ADGRL2: variants seen among roughly 807,000 people sequenced by gnomAD.
ADGRL2 encodes adhesion G protein-coupled receptor L2, also known as calcium-independent alpha-latrotoxin receptor 2.
Under a neutral mutation model 157.4 loss-of-function variants are expected in ADGRL2, and 44 were observed. The observed-to-expected ratio is 0.28, with a 90% CI of 0.22 to 0.36. The LOEUF is 0.36. Among genes scored for constraint, ADGRL2 ranks in the 10% least tolerant of loss-of-function variants. The pLI is 1.00. For synonymous variants in ADGRL2, 585 were observed against 624.7 expected (o/e 0.94, Z 0.95); for missense variants, 1,510 against 1,768.9 (o/e 0.85, Z 2.63).
chr1:81,706,484 C>T (rs2083742481), intron 1 of ADGRL2, among the ~76,000 whole-genome samples: 2 of 152,108 alleles, frequency 1.3e-5, no homozygotes, highest in Non-Finnish European at 2.9e-5. Flanking sequence ...CTTGTCTTTC[C>T]AGAGAAGAGC....
At chr1:81,822,140 G>A (rs940522319) in intron 1 of ADGRL2, among the ~76,000 whole-genome samples, 3 of 149,830 alleles carry the variant, frequency 2.0e-5, no homozygotes, top group East Asian at 2.0e-4. Flanking sequence ...CTGGAGTGCC[G>A]TTGTCTGTCT....
chr1:81,617,695 C>T (rs970229729), intron 3 of ADGRL2, among the ~76,000 whole-genome samples: 1 of 152,212 alleles, frequency 6.6e-6, no homozygotes, highest in Non-Finnish European at 1.5e-5. Context: ...CTTAATTGTA[C>T]CAGGAAGACA....
At chr1:81,839,929 G>A (rs1412269612) in intron 2 of ADGRL2, among the ~76,000 whole-genome samples, 4 of 125,310 alleles carry the variant, frequency 3.2e-5, no homozygotes, top group Non-Finnish European at 4.9e-5. Flanking sequence ...ATATATGATG[G>A]AATATATATA....
At chr1:81,460,155 A>G (rs546099780) in intron 2 of ADGRL2, among the ~76,000 whole-genome samples, 1 of 150,680 alleles carries the variant, frequency 6.6e-6, no homozygotes, top group African/African-American at 2.4e-5. Flanking sequence ...TTGCTTTTTC[A>G]CTCTGTTGAT....
rs371091794 is a variant in ADGRL2 at position 81,851,113 on chromosome 1, G to C, written c.73+14056G>C. Among the ~76,000 whole-genome samples, 124 of 151,976 alleles carry C rather than the reference G, an allele frequency of 8.2e-4. 2 individuals are homozygous for C. The South Asian group carries it at 0.025, about 31-fold the overall frequency. On this transcript the variant is annotated intron_variant, in intron 2 of 23. Transcript: ENST00000686636. ...TGCATGCATAGTGTATATCTTGCAGGAATTCAGCCCTTAGGATTAACAGCT... is the reference window on the plus strand; with the variant it reads ...TGCATGCATAGTGTATATCTTGCAGCAATTCAGCCCTTAGGATTAACAGCT...
chr1:81,903,315 T>C (rs2094522474), intron 2 of ADGRL2, among the ~76,000 whole-genome samples: 1 of 152,204 alleles, frequency 6.6e-6, no homozygotes, highest in South Asian at 2.1e-4. Context: ...ACCTTTACAA[T>C]AATTATTTCT....
At chr1:81,845,992 C>T (rs1429669127) in intron 2 of ADGRL2, among the ~76,000 whole-genome samples, 1 of 151,744 alleles carries the variant, frequency 6.6e-6, no homozygotes, top group African/African-American at 2.4e-5. Context: ...CATTACATTT[C>T]CCTGTAGCTC....
At chr1:81,463,114 CAAAAAAAAA>C (rs56920139) in intron 2 of ADGRL2, among the ~76,000 whole-genome samples, 40 of 93,746 alleles carry the variant, frequency 4.3e-4, no homozygotes, top group East Asian at 2.0e-3. Flanking sequence ...GACCATGTCT[CAAAAAAAAA>C]AAAAAAAAAA....
intron 1 of ADGRL2, among the ~76,000 whole-genome samples, chr1:81,374,322 A>G (rs2076209348): frequency 6.6e-6 from 1 of 151,916 alleles, no homozygotes; most frequent in Admixed American, 6.6e-5. Flanking sequence ...TATAAATCCC[A>G]GCACTTTGGG....
intron 3 of ADGRL2, among the ~76,000 whole-genome samples, chr1:81,587,421 A>G (rs1432178405): frequency 2.6e-5 from 4 of 152,096 alleles, no homozygotes; most frequent in African/African-American, 9.7e-5. Flanking sequence ...GTAGGTATTC[A>G]TCAAGCAGAA....
upstream of ADGRL2, chr1:81,800,292 A>T (rs921097489): frequency 3.9e-5 from 6 of 152,322 alleles, no homozygotes; most frequent in East Asian, 1.9e-4. Context: ...ATCGCAATTT[A>T]AAAAAATGTA....
chr1:81,722,268 G>A (rs922652603), intron 1 of ADGRL2: 7 of 439,292 alleles, frequency 1.6e-5, no homozygotes, highest in African/African-American at 1.4e-4. Context: ...ACTCCAGCCT[G>A]GGCGACAGAG....
In ADGRL2 at chr1:81,815,779, A is replaced by C. The variant is rs143511490; in HGVS notation, c.-101+14711A>C. Among the ~76,000 whole-genome samples the C allele has an allele frequency of 7.2e-3, 1,086 of 151,882 alleles. 11 individuals carry two copies. The highest frequency in any genetic ancestry group is 9.2e-3 in the Non-Finnish European group (625 of 67,754). On this transcript the variant is annotated intron_variant, in intron 1 of 23. Transcript: ENST00000686636. ...TTTCTTATATTGTGTTACTAATAAG[A>C]AGTACCTAAGTCCTCTGACATTTCA...
At chr1:81,543,124 G>T (rs534911951) in intron 2 of ADGRL2, among the ~76,000 whole-genome samples, 53 of 151,594 alleles carry the variant, frequency 3.5e-4, no homozygotes, top group African/African-American at 1.3e-3. Context: ...CAATTAATGT[G>T]ACTATAGGAC....
chr1:81,327,740 T>C (rs1056238775), intron 1 of ADGRL2, among the ~76,000 whole-genome samples: 3 of 152,210 alleles, frequency 2.0e-5, no homozygotes, highest in African/African-American at 7.2e-5. Flanking sequence ...CCTCTGTATG[T>C]TAAATGATCA....
intron 1 of ADGRL2, among the ~76,000 whole-genome samples, chr1:81,309,777 C>T (rs1234588121): frequency 6.6e-6 from 1 of 152,078 alleles, no homozygotes; most frequent in Non-Finnish European, 1.5e-5. Context: ...TACTGACAGC[C>T]TTTGAAGAGC....
chr1:81,699,310 CAG>C (rs1319439302), upstream of ADGRL2, among the ~76,000 whole-genome samples: 1 of 152,140 alleles, frequency 6.6e-6, no homozygotes, highest in Admixed American at 6.6e-5. Flanking sequence ...AGGAAACAAA[CAG>C]AAAGCTGTAG....
At chr1:81,356,425 AT>A (rs1663293498) in intron 1 of ADGRL2, among the ~76,000 whole-genome samples, 1 of 152,226 alleles carries the variant, frequency 6.6e-6, no homozygotes, top group African/African-American at 2.4e-5. Context: ...CCTTGGCCAC[AT>A]TACTAAGTCT....
chr1:81,848,571 C>T (rs1338165101), intron 2 of ADGRL2, among the ~76,000 whole-genome samples: 2 of 151,874 alleles, frequency 1.3e-5, no homozygotes, highest in African/African-American at 2.4e-5. Context: ...CATTGCATTA[C>T]TTAATGGTAA....
Sources: gnomAD v4.1 joint callset for allele counts (sites outside exome capture counted in the v4.1 genomes callset) on GRCh38, gnomAD v4.1.1 for gene constraint, MANE v1.5 for transcripts, NCBI Gene and HGNC (gene_info 2026-07-23, HGNC 2026-07-21) for gene names.